Variants in SEL1L2 observed in about 807,000 individuals in gnomAD.
SEL1L2 encodes SEL1L2 adaptor subunit of SYVN1 ubiquitin ligase.
In SEL1L2, 89 loss-of-function variants were observed where a neutral mutation model predicts 98.8. The ratio of observed to expected loss-of-function variants is 0.90; its 90% CI spans 0.76 to 1.07. The LOEUF (loss-of-function observed/expected upper bound fraction) is 1.07, where lower values mean the gene tolerates loss of function less well. SEL1L2 is among the 50% of genes least tolerant of loss of function. SEL1L2 has a pLI of 0.00. For synonymous variants in SEL1L2, 262 were observed against 278.5 expected (o/e 0.94, Z 0.59); for missense variants, 788 against 812.0 (o/e 0.97, Z 0.36).
chr20:13,960,162 T>A (rs981536076), intron 1 of SEL1L2, among the ~76,000 whole-genome samples: 7 of 151,494 alleles, frequency 4.6e-5, no homozygotes, highest in Non-Finnish European at 1.0e-4. Context: ...CATTATTATA[T>A]TCCCCAAAGT....
chr20:13,850,429 GATT>G, intron 18 of SEL1L2, 110 bp from the exon 19 acceptor site: 1 of 1,113,048 alleles, frequency 9.0e-7, no homozygotes, highest in Non-Finnish European at 1.3e-6. Flanking sequence ...AAGATAGGGA[GATT>G]ATCATGGATT....
At chr20:13,852,947 A>G (rs1048248373) in intron 18 of SEL1L2, among the ~76,000 whole-genome samples, 4 of 152,120 alleles carry the variant, frequency 2.6e-5, no homozygotes, top group African/African-American at 9.7e-5. Flanking sequence ...TAAATATATC[A>G]TATGTTAATT....
At chr20:13,903,403 T>C (rs1215137589) in intron 5 of SEL1L2, among the ~76,000 whole-genome samples, 2 of 152,188 alleles carry the variant, frequency 1.3e-5, no homozygotes, top group Non-Finnish European at 2.9e-5. Flanking sequence ...TGGGTGTTTC[T>C]AGTATTTGCA....
At chr20:13,965,293 C>T (rs1214549525) in intron 1 of SEL1L2, among the ~76,000 whole-genome samples, 2 of 152,150 alleles carry the variant, frequency 1.3e-5, no homozygotes, top group Admixed American at 6.5e-5. Context: ...AACCTGGCAA[C>T]GAGGATGATT....
In SEL1L2 at chr20:13,956,078, G is replaced by T; in HGVS notation, c.112C>A (p.Gln38Lys). The T allele has an allele frequency of 1.9e-6, 3 of 1,553,074 alleles. No homozygotes were observed. Among genetic ancestry groups the T allele is most frequent in the Non-Finnish European group, 2.6e-6 (3 of 1,136,946 alleles). ...KRQKERNVTTQVSVNEIKQYL... is the reference protein window; with the variant it reads ...KRQKERNVTTKVSVNEIKQYL... ...TAAAGATTTAGCAAAATATTTACCT[G>T]TGTGGTGACATTTCTTTCCTTTTGT... The change falls in exon 2 of 20, where the codon CAG becomes AAG. Residue 38 changes from glutamine to lysine, a missense_variant and splice_region_variant. Transcript: ENST00000284951.
chr20:13,954,296 T>TTCAG (rs2050415679), intron 2 of SEL1L2, among the ~76,000 whole-genome samples: 1 of 152,174 alleles, frequency 6.6e-6, no homozygotes, highest in Non-Finnish European at 1.5e-5. Flanking sequence ...CCAAATAGTA[T>TTCAG]CCTGCTCATT....
intron 12 of SEL1L2, among the ~76,000 whole-genome samples, chr20:13,875,547 G>A (rs931191530): frequency 6.6e-6 from 1 of 152,200 alleles, no homozygotes; most frequent in African/African-American, 2.4e-5. Context: ...CCTATTCTCA[G>A]TCGCCTTGCC....
chr20:13,935,779 T>C (rs1015731967), intron 2 of SEL1L2, among the ~76,000 whole-genome samples: 3 of 152,178 alleles, frequency 2.0e-5, no homozygotes, highest in African/African-American at 4.8e-5. Flanking sequence ...AGTATCATTC[T>C]GGCTCATGTG....
intron 18 of SEL1L2, among the ~76,000 whole-genome samples, chr20:13,851,602 T>C (rs1328327212): frequency 2.6e-5 from 4 of 152,126 alleles, no homozygotes; most frequent in African/African-American, 7.2e-5. Context: ...TGCCTTGTTT[T>C]ATGTGTTGCT....
chr20:13,976,092 C>T (rs1311526129), intron 1 of SEL1L2, among the ~76,000 whole-genome samples: 1 of 152,092 alleles, frequency 6.6e-6, no homozygotes, highest in Admixed American at 6.5e-5. Flanking sequence ...ACCTTTGCCT[C>T]CCAGGTTCAA....
intron 5 of SEL1L2, among the ~76,000 whole-genome samples, chr20:13,889,660 G>A (rs556797838): frequency 1.3e-3 from 192 of 152,044 alleles, no homozygotes; most frequent in Non-Finnish European, 2.1e-3. Context: ...GCGTGGTAGC[G>A]GGGGCCTGTA....
At chr20:13,978,485 C>T (rs1232455178) in intron 1 of SEL1L2, among the ~76,000 whole-genome samples, 2 of 152,106 alleles carry the variant, frequency 1.3e-5, no homozygotes, top group African/African-American at 4.8e-5. Context: ...TTGGTACAGC[C>T]ATTATGGAAA....
At position 13,953,992 on chromosome 20, in the gene SEL1L2, G is replaced by A. The variant is rs1483528884; in HGVS notation, c.114+2084C>T. On this transcript the variant is annotated intron_variant, in intron 2 of 19. Transcript: ENST00000284951. Reference sequence around the variant, plus strand: ...TTAATGTGGAAGGAAATAGCACACAGAACTCCTGAAAAAATTAGATCCTTA... The same window carrying A: ...TTAATGTGGAAGGAAATAGCACACAAAACTCCTGAAAAAATTAGATCCTTA... Among the ~76,000 whole-genome samples the A allele has an allele frequency of 2.0e-5, 3 of 152,140 alleles. No individual in the cohort carries two copies. The East Asian group carries it at 5.8e-4, about 29-fold the overall frequency.
At chr20:13,851,525 A>T (rs1369279965) in intron 18 of SEL1L2, 1 of 151,864 alleles carries the variant, frequency 6.6e-6, no homozygotes, top group Non-Finnish European at 1.5e-5. Flanking sequence ...CAAATGATAT[A>T]GTACTATATT....
At chr20:13,877,804 CTCT>C (rs1376722199) in intron 10 of SEL1L2, among the ~76,000 whole-genome samples, 1 of 152,154 alleles carries the variant, frequency 6.6e-6, no homozygotes, top group African/African-American at 2.4e-5. Flanking sequence ...GTGTCTATAT[CTCT>C]TTCTTACATA....
intron 17 of SEL1L2, among the ~76,000 whole-genome samples, chr20:13,862,153 A>G (rs1218979569): frequency 1.3e-5 from 2 of 152,234 alleles, no homozygotes; most frequent in African/African-American, 4.8e-5. Flanking sequence ...GAATGGATGG[A>G]CATGCAAGGA....
chr20:13,952,614 G>A (rs1373364631), intron 2 of SEL1L2, among the ~76,000 whole-genome samples: 1 of 152,102 alleles, frequency 6.6e-6, no homozygotes, highest in African/African-American at 2.4e-5. Flanking sequence ...CATACCCCAG[G>A]TATTGCTAGG....
At chr20:13,908,103 CTTTTTTTTTTTTTTTTTTTTTT>C (rs71188195) in intron 5 of SEL1L2, among the ~76,000 whole-genome samples, 1 of 26,724 alleles carries the variant, frequency 3.7e-5, no homozygotes, top group Admixed American at 7.6e-4. Context: ...TTTCTTGGTT[CTTTTTTTTTTTTTTTTTTTTTT>C]TTTTTTTTTT....
chr20:13,918,150 T>C (rs898052109), intron 4 of SEL1L2, among the ~76,000 whole-genome samples: 9 of 152,180 alleles, frequency 5.9e-5, no homozygotes, highest in South Asian at 2.1e-4. Context: ...CCCCATACCT[T>C]CAACTTAGCA....
Sources: gnomAD v4.1 joint callset for allele counts (sites outside exome capture counted in the v4.1 genomes callset) on GRCh38, gnomAD v4.1.1 for gene constraint, MANE v1.5 for transcripts, NCBI Gene and HGNC (gene_info 2026-07-23, HGNC 2026-07-21) for gene names.